Variants in TIAM1 observed in about 807,000 individuals in gnomAD.
TIAM1 encodes the protein TIAM Rac1 associated GEF 1.
A neutral mutation model predicts 163.5 loss-of-function variants in TIAM1; 65 were observed. The ratio of observed to expected loss-of-function variants is 0.40; its 90% CI spans 0.33 to 0.49. The LOEUF is 0.49. Among genes scored for constraint, TIAM1 ranks in the 20% least tolerant of loss-of-function variants. The pLI, the probability that TIAM1 is intolerant of heterozygous loss-of-function variation, is 0.77. For synonymous variants in TIAM1, 833 were observed against 810.1 expected (o/e 1.03, Z -0.48); for missense variants, 1,789 against 2,044.7 (o/e 0.87, Z 2.41).
At chr21:31,347,749 G>A (rs1338897235), upstream of TIAM1, among the ~76,000 whole-genome samples, 1 of 151,978 alleles carries the variant, frequency 6.6e-6, no homozygotes, top group Non-Finnish European at 1.5e-5. Context: ...GACGTTCAGA[G>A]AAACTGCAAA....
At chr21:31,512,200 G>A (rs528760403) in intron 1 of TIAM1, among the ~76,000 whole-genome samples, 8 of 152,046 alleles carry the variant, frequency 5.3e-5, no homozygotes, top group South Asian at 4.2e-4. Flanking sequence ...AGGTTGAAGC[G>A]ATCCTCCCAC....
chr21:31,383,415 C>T (rs1336857250), intron 2 of TIAM1, among the ~76,000 whole-genome samples: 1 of 152,076 alleles, frequency 6.6e-6, no homozygotes, highest in East Asian at 1.9e-4. Context: ...ATTATGTACC[C>T]GACCCTAGGC....
At chr21:31,393,038 T>G (rs907371382) in intron 2 of TIAM1, among the ~76,000 whole-genome samples, 1 of 151,454 alleles carries the variant, frequency 6.6e-6, no homozygotes, top group Non-Finnish European at 1.5e-5. Context: ...TCACAGCAAC[T>G]TCCCCCTCCT....
intron 2 of TIAM1, among the ~76,000 whole-genome samples, chr21:31,352,708 T>C (rs2076254995): frequency 6.6e-6 from 1 of 151,060 alleles, no homozygotes; most frequent in Admixed American, 6.6e-5. Context: ...AATAGATAAA[T>C]AAATAAATAA....
At chr21:31,221,078 T>C (rs1601600269) in intron 8 of TIAM1, among the ~76,000 whole-genome samples, 1 of 152,146 alleles carries the variant, frequency 6.6e-6, no homozygotes, top group Non-Finnish European at 1.5e-5. Flanking sequence ...AAAGACTAAA[T>C]TGAAGAATGT....
intron 3 of TIAM1, among the ~76,000 whole-genome samples, chr21:31,271,755 A>C (rs2073067824): frequency 6.6e-6 from 1 of 152,120 alleles, no homozygotes; most frequent in African/African-American, 2.4e-5. Context: ...AGAGCAAAGG[A>C]GTCTTAGTGG....
chr21:31,397,486 T>C (rs995478918), intron 2 of TIAM1, among the ~76,000 whole-genome samples: 1 of 152,206 alleles, frequency 6.6e-6, no homozygotes, highest in Non-Finnish European at 1.5e-5. Context: ...AAAATCTTGA[T>C]ACCTGCCACC....
In TIAM1 at chr21:31,291,786, G is replaced by A. The variant is rs565242102; in HGVS notation, c.-188-14878C>T. On this transcript the variant is annotated intron_variant, in intron 2 of 27. Transcript: ENST00000541036. ...GATCTGCCCGCCTTGGCCTCCCAAA[G>A]TGCTGGAATTACAGGCATGAGCCAC... 3.3e-5 allele frequency among the ~76,000 whole-genome samples: 5 copies of A among 152,334 alleles called. No individual in the cohort carries two copies. In the South Asian group the frequency reaches 1.0e-3, roughly 32 times the overall value.
At chr21:31,222,707 A>ATATATATT (rs1235400142) in intron 8 of TIAM1, among the ~76,000 whole-genome samples, 1 of 32,886 alleles carries the variant, frequency 3.0e-5, no homozygotes, top group African/African-American at 1.4e-4. Context: ...ATATATATAT[A>ATATATATT]TTTTTTTTTT....
chr21:31,468,602 C>T (rs541103917), intron 1 of TIAM1, among the ~76,000 whole-genome samples: 25 of 152,040 alleles, frequency 1.6e-4, no homozygotes, highest in Non-Finnish European at 3.1e-4. Flanking sequence ...CGGTGAAACC[C>T]GTCTCTACTA....
intron 11 of TIAM1, 52 bp from the exon 12 acceptor site, chr21:31,203,064 G>T: frequency 7.2e-7 from 1 of 1,394,892 alleles, no homozygotes; most frequent in Non-Finnish European, 1.0e-6. Flanking sequence ...TAGTAAATAG[G>T]CACAATTAGT....
At chr21:31,294,851 C>A (rs1045767577) in intron 2 of TIAM1, among the ~76,000 whole-genome samples, 3 of 152,176 alleles carry the variant, frequency 2.0e-5, no homozygotes, top group African/African-American at 7.2e-5. Flanking sequence ...GCCCCGCACA[C>A]GGCCTGAACG....
chr21:31,243,770 T>C lies in TIAM1; in HGVS notation c.1584+1718A>G, dbSNP rs145517547. 9.7e-4 allele frequency among the ~76,000 whole-genome samples: 148 copies of C among 152,322 alleles called. 2 individuals are homozygous for C. The highest frequency in any genetic ancestry group is 3.5e-3 in the African/African-American group (146 of 41,578). On this transcript the variant is annotated intron_variant, in intron 6 of 27. Coordinates refer to ENST00000541036, the MANE Select transcript of TIAM1 (RefSeq NM_001353694.2). ...TCTTCAAATCAGCAAGGGAGCCTCATAGGATAAACAGCTGATTTTTCATCA... is the reference window on the plus strand; with the variant it reads ...TCTTCAAATCAGCAAGGGAGCCTCACAGGATAAACAGCTGATTTTTCATCA...
Position 31,141,806 on chromosome 21 carries a change from GT to G in TIAM1, c.3476-303del. Among the ~76,000 whole-genome samples, 1 of 152,050 alleles carries G rather than the reference GT, an allele frequency of 6.6e-6. No homozygotes were observed. The highest frequency in any genetic ancestry group is 1.9e-4 in the East Asian group (1 of 5,172). On this transcript the variant is annotated intron_variant, in intron 20 of 27. Transcript: ENST00000541036. The surrounding 1 kb of genome is among the most constrained non-coding windows in gnomAD (Gnocchi z 4.7). Reference sequence around the variant, plus strand: ...TCTTTATCCTCCTCCTATTACACATGTTTTTTTATCCTGATGTTTTGACACC... The same window carrying G: ...TCTTTATCCTCCTCCTATTACACATGTTTTTTATCCTGATGTTTTGACACC...
chr21:31,545,114 A>G (rs1480182129), intron 1 of TIAM1, among the ~76,000 whole-genome samples: 2 of 152,238 alleles, frequency 1.3e-5, no homozygotes, highest in Non-Finnish European at 2.9e-5. Flanking sequence ...AGAAGAGGTC[A>G]TACTGAATTA....
intron 2 of TIAM1, among the ~76,000 whole-genome samples, chr21:31,420,668 G>C (rs2043534977): frequency 6.6e-6 from 1 of 152,182 alleles, no homozygotes; most frequent in Non-Finnish European, 1.5e-5. Context: ...ACTTTGTCCA[G>C]CAGAGTAGAA....
rs765179103 is a variant in TIAM1, at chr21:31,118,457, C to T, written c.*1911G>A. 9.0e-5 allele frequency: 35 copies of T among 387,978 alleles called. No homozygotes were observed. In the East Asian group the frequency reaches 1.4e-3, roughly 16 times the overall value. 24.0% of individuals were successfully genotyped at this position (387,978 alleles called of 1,614,324 possible). A position where few individuals can be genotyped will look rare whatever the true frequency, so the allele number is the denominator to read the frequency against. The stretch of plus-strand genomic sequence containing the variant: ...TTTATTGTTTGACAAGCATTTACAA[C>T]GTTCCATTCATAGACCTAAAAACAT... On this transcript the variant is annotated 3_prime_UTR_variant, in exon 28 of 28. Coordinates refer to ENST00000541036, the MANE Select transcript of TIAM1 (RefSeq NM_001353694.2).
At chr21:31,340,267 C>T (rs1313634069) in intron 1 of TIAM1, among the ~76,000 whole-genome samples, 1 of 151,752 alleles carries the variant, frequency 6.6e-6, no homozygotes, top group Non-Finnish European at 1.5e-5. Context: ...CTGAGAGACC[C>T]TAAGAAGAAC....
chr21:31,292,367 T>G (rs1322408362), intron 2 of TIAM1, among the ~76,000 whole-genome samples: 2 of 151,656 alleles, frequency 1.3e-5, no homozygotes, highest in Non-Finnish European at 2.9e-5. Flanking sequence ...TTGCTTTCAA[T>G]TTCCTTTTTT....
Sources: allele counts gnomAD v4.1 joint callset (sites outside exome capture counted in the v4.1 genomes callset), GRCh38; gene constraint gnomAD v4.1.1; non-coding constraint Gnocchi (gnomAD v3.1); transcripts MANE v1.5; gene names NCBI Gene and HGNC (gene_info 2026-07-23, HGNC 2026-07-21).